Variants in PRKG1 observed in about 807,000 individuals in gnomAD.
The protein encoded by PRKG1 is protein kinase cGMP-dependent 1, also known as cGMP-dependent protein kinase 1.
Under a neutral mutation model 88.1 loss-of-function variants are expected in PRKG1, and 35 were observed. The observed-to-expected ratio is 0.40, with a 90% CI of 0.30 to 0.53. PRKG1 has a LOEUF of 0.53. Among genes scored for constraint, PRKG1 ranks in the 20% least tolerant of loss-of-function variants. The pLI, the probability that PRKG1 is intolerant of heterozygous loss-of-function variation, is 0.59. For missense variants in PRKG1, 540 were observed against 839.8 expected, an observed-to-expected ratio of 0.64 and a Z score of 4.41; for synonymous variants, 303 against 292.5, an observed-to-expected ratio of 1.04 and a Z score of -0.37.
intron 9 of PRKG1, among the ~76,000 whole-genome samples, chr10:52,216,184 G>A (rs115181043): frequency 1.3e-5 from 2 of 152,126 alleles, no homozygotes; most frequent in African/African-American, 4.8e-5. Flanking sequence ...GATCATTCTT[G>A]AATATACTCT....
chr10:52,197,555 A>G (rs375190204), intron 9 of PRKG1, among the ~76,000 whole-genome samples: 9 of 152,206 alleles, frequency 5.9e-5, no homozygotes, highest in Admixed American at 5.2e-4. Flanking sequence ...AGACACTGAC[A>G]TGTTTATTCT....
At position 52,293,927 on chromosome 10, in the gene PRKG1, T is replaced by G. The variant is rs769449587; in HGVS notation, c.*27T>G. 1 of 1,565,002 alleles carries G rather than the reference T, an allele frequency of 6.4e-7. No individual in the cohort carries two copies. Among genetic ancestry groups the G allele is most frequent in the South Asian group, 1.1e-5 (1 of 88,338 alleles). The stretch of plus-strand genomic sequence containing the variant: ...GTATTTCTCTTACCTGCTTCTGCCT[T>G]GCTGAAGACAGCTTTTTCTGAGACA... On this transcript the variant is annotated 3_prime_UTR_variant, in exon 18 of 18. Transcript: ENST00000373980.
intron 2 of PRKG1, among the ~76,000 whole-genome samples, chr10:51,210,498 A>T (rs1838184593): frequency 6.6e-6 from 1 of 152,204 alleles, no homozygotes; most frequent in African/African-American, 2.4e-5. Flanking sequence ...AGACACAAAA[A>T]ACCCTTCAAA....
At chr10:52,173,553 A>G (rs1564501905) in intron 9 of PRKG1, among the ~76,000 whole-genome samples, 1 of 152,168 alleles carries the variant, frequency 6.6e-6, no homozygotes. Context: ...TAGATCTTTA[A>G]CTTGCTATTT....
intron 3 of PRKG1, among the ~76,000 whole-genome samples, chr10:51,722,111 T>G (rs948982181): frequency 1.3e-5 from 2 of 151,896 alleles, no homozygotes; most frequent in Non-Finnish European, 2.9e-5. Flanking sequence ...GCACCTGTAA[T>G]CCCAGCTACT....
intron 2 of PRKG1, among the ~76,000 whole-genome samples, chr10:51,209,250 G>T (rs1838149661): frequency 6.6e-6 from 1 of 152,002 alleles, no homozygotes; most frequent in African/African-American, 2.4e-5. Context: ...TTCCTTTATT[G>T]GTGTAAGAGT....
chr10:51,397,030 C>T (rs1588914307), intron 2 of PRKG1, among the ~76,000 whole-genome samples: 1 of 151,966 alleles, frequency 6.6e-6, no homozygotes, highest in African/African-American at 2.4e-5. Context: ...TTCAATAAAG[C>T]TTATTTTACG....
At chr10:51,579,576 AT>A (rs1027743841) in intron 3 of PRKG1, among the ~76,000 whole-genome samples, 2 of 152,126 alleles carry the variant, frequency 1.3e-5, no homozygotes, top group African/African-American at 4.8e-5. Context: ...ATATTTACCA[AT>A]TTTTATTTGG....
intron 3 of PRKG1, among the ~76,000 whole-genome samples, chr10:51,714,042 T>G (rs1278039076): frequency 1.3e-5 from 2 of 152,172 alleles, no homozygotes; most frequent in African/African-American, 2.4e-5. Context: ...TGCAGTGGCA[T>G]GATCTCGGCT....
chr10:51,289,929 A>G (rs1334312508), intron 2 of PRKG1, among the ~76,000 whole-genome samples: 1 of 152,136 alleles, frequency 6.6e-6, no homozygotes, highest in Non-Finnish European at 1.5e-5. Flanking sequence ...TCACCTTTGA[A>G]TTTATATGAT....
chr10:51,322,951 G>A (rs557988129), intron 2 of PRKG1, among the ~76,000 whole-genome samples: 1 of 152,020 alleles, frequency 6.6e-6, no homozygotes, highest in East Asian at 1.9e-4. Flanking sequence ...AATATGCTGG[G>A]CACTGACCTA....
chr10:51,592,647 C>T (rs1838341586), intron 3 of PRKG1, among the ~76,000 whole-genome samples: 2 of 152,174 alleles, frequency 1.3e-5, no homozygotes, highest in South Asian at 4.1e-4. Flanking sequence ...AGGGCAACTT[C>T]CCTTCTCCTT....
In PRKG1 at chr10:52,251,599, A is replaced by G. The variant is rs775372704; in HGVS notation, c.1106A>G (p.Asn369Ser). 4.6e-5 allele frequency: 75 copies of G among 1,613,496 alleles called. No individual in the cohort carries two copies. Among genetic ancestry groups the G allele is most frequent in the Non-Finnish European group, 5.7e-5 (67 of 1,179,670 alleles). Residue 369 changes from asparagine (N) to serine (S), a missense_variant, in exon 10 of 18, where the codon AAC becomes AGC. Transcript: ENST00000373980. Reference sequence around the variant, plus strand: ...GAAGCTGAAGCGGCTTTCTTCGCCAACCTGAAGCTGTCTGATTTCAACATC... The same window carrying G: ...GAAGCTGAAGCGGCTTTCTTCGCCAGCCTGAAGCTGTCTGATTTCAACATC... ...KYEAEAAFFA[N>S]LKLSDFNIID...
At chr10:52,209,403 CCA>C (rs1839901695) in intron 9 of PRKG1, among the ~76,000 whole-genome samples, 1 of 152,040 alleles carries the variant, frequency 6.6e-6, no homozygotes, top group African/African-American at 2.4e-5. Context: ...AGCAAACTGG[CCA>C]CACACACAAA....
At chr10:51,623,490 G>A (rs190992548) in intron 3 of PRKG1, among the ~76,000 whole-genome samples, 4 of 152,282 alleles carry the variant, frequency 2.6e-5, no homozygotes, top group Non-Finnish European at 4.4e-5. Context: ...ATAGACATGA[G>A]CTATTGTGCA....
chr10:51,880,033 T>C (rs749160040), intron 4 of PRKG1, among the ~76,000 whole-genome samples: 1 of 152,204 alleles, frequency 6.6e-6, no homozygotes, highest in African/African-American at 2.4e-5. Flanking sequence ...TGCACATCCA[T>C]TGGATATTTG....
chr10:52,291,858 C>T (rs1842256295), intron 17 of PRKG1, among the ~76,000 whole-genome samples: 1 of 152,024 alleles, frequency 6.6e-6, no homozygotes, highest in East Asian at 1.9e-4. Flanking sequence ...AACTAGTTTA[C>T]AGTCCCACCA....
rs182621674 is a variant in PRKG1, at chr10:51,475,396, A to G, written c.592+7560A>G. Among the ~76,000 whole-genome samples, 4 of 152,102 alleles carry G rather than the reference A, an allele frequency of 2.6e-5. No homozygotes were observed. In the East Asian group the frequency reaches 7.7e-4, roughly 29 times the overall value. On this transcript the variant is annotated intron_variant, in intron 3 of 17. Coordinates refer to ENST00000373980, the MANE Select transcript of PRKG1 (RefSeq NM_006258.4). ...TGGGTCACAGCTATCCGTGTGTAAC[A>G]AGGCCTTCCAGGTAATGCCCCTATA...
intron 3 of PRKG1, among the ~76,000 whole-genome samples, chr10:51,674,093 C>T (rs142311958): frequency 2.6e-5 from 4 of 152,262 alleles, no homozygotes; most frequent in African/African-American, 9.6e-5. Flanking sequence ...CCTGTAATTT[C>T]ATTTCTTCCT....
Sources: gnomAD v4.1 joint callset for allele counts (sites outside exome capture counted in the v4.1 genomes callset) on GRCh38, gnomAD v4.1.1 for gene constraint, MANE v1.5 for transcripts, NCBI Gene and HGNC (gene_info 2026-07-23, HGNC 2026-07-21) for gene names.